The following SORCS1 variants were observed in gnomAD, a reference collection of about 807,000 sequenced individuals.
SORCS1 encodes the protein VPS10 domain-containing receptor SorCS1.
A neutral mutation model predicts 146.1 loss-of-function variants in SORCS1; 60 were observed. The ratio of observed to expected loss-of-function variants is 0.41; its 90% CI spans 0.33 to 0.51. The LOEUF (loss-of-function observed/expected upper bound fraction) is 0.51. SORCS1 is among the 20% of genes least tolerant of loss of function. The probability of loss-of-function intolerance (pLI) is 0.21; values close to 1 mark genes in which losing one functional copy is unlikely to be tolerated. For missense variants in SORCS1, 1,352 were observed against 1,487.6 expected (o/e 0.91, Z 1.50); for synonymous variants, 637 against 584.0 (o/e 1.09, Z -1.31).
At chr10:106,643,283 G>A (rs572240891) in intron 18 of SORCS1, among the ~76,000 whole-genome samples, 1 of 152,310 alleles carries the variant, frequency 6.6e-6, no homozygotes, top group Admixed American at 6.5e-5. Context: ...CTGGAACAGT[G>A]GTGCTCAATA....
Position 106,574,788 on chromosome 10 carries a change from A to C in SORCS1, c.*2632T>G, listed in dbSNP as rs1195830594. On this transcript the variant is annotated 3_prime_UTR_variant, in exon 26 of 26. Coordinates refer to ENST00000263054, the MANE Select transcript of SORCS1 (RefSeq NM_052918.5). The stretch of plus-strand genomic sequence containing the variant: ...TCTCTGAGCAGCACCTTGCCTCACT[A>C]ATCTCCTACAGATGGGAGGGAGCTT... 1 of 152,370 alleles carries C rather than the reference A, an allele frequency of 6.6e-6. No homozygotes were observed. Among genetic ancestry groups the C allele is most frequent in the Non-Finnish European group, 1.5e-5 (1 of 68,018 alleles). The allele number at this position is 152,370 out of a possible 1,614,324, so 9.4% of individuals were successfully genotyped here.
chr10:106,801,524 A>ATTTTTTTTTT (rs34849434), intron 3 of SORCS1, among the ~76,000 whole-genome samples: 1 of 113,840 alleles, frequency 8.8e-6, no homozygotes, highest in African/African-American at 3.5e-5. Flanking sequence ...TAGTATAGCC[A>ATTTTTTTTTT]TTTTTTTTTT....
In SORCS1 at chr10:106,889,888, T is replaced by TAA. The variant is rs772421907; in HGVS notation, c.627-60217_627-60216dup. Among the ~76,000 whole-genome samples, 407 of 71,658 alleles carry TAA rather than the reference T, an allele frequency of 5.7e-3. 13 individuals are homozygous for TAA. Among genetic ancestry groups the TAA allele is most frequent in the African/African-American group, 0.019 (360 of 19,410 alleles). The allele number at this position is 71,658 out of a possible 152,430, so 47.0% of individuals were successfully genotyped here. ...TGACAGAGTGAGACTACGTCTCAAA[T>TAA]AAAAAAAAAAAAAAAAAAAAAAAGC... On this transcript the variant is annotated intron_variant, in intron 2 of 25. Coordinates refer to ENST00000263054, the MANE Select transcript of SORCS1 (RefSeq NM_052918.5).
At chr10:106,599,525 T>A (rs942926180) in intron 23 of SORCS1, among the ~76,000 whole-genome samples, 4 of 151,970 alleles carry the variant, frequency 2.6e-5, no homozygotes, top group African/African-American at 9.7e-5. Context: ...GACAGTGGAG[T>A]TTTTAGAGGT....
chr10:107,019,848 A>G (rs182772621), intron 1 of SORCS1, among the ~76,000 whole-genome samples: 4 of 152,330 alleles, frequency 2.6e-5, no homozygotes, highest in Admixed American at 2.6e-4. Flanking sequence ...GGAGGCAGCT[A>G]CTGCAGAGAA....
chr10:106,878,646 A>ATATATATATATATATATATATATAT (rs1200849744), intron 2 of SORCS1, among the ~76,000 whole-genome samples: 4 of 117,882 alleles, frequency 3.4e-5, no homozygotes, highest in Admixed American at 8.9e-5. Context: ...ATATATATAT[A>ATATATATATATATATATATATATAT]TATTTTATAG....
At chr10:106,742,814 AT>A (rs1180393463) in intron 5 of SORCS1, among the ~76,000 whole-genome samples, 1 of 152,154 alleles carries the variant, frequency 6.6e-6, no homozygotes, top group African/African-American at 2.4e-5. Context: ...AAAGTTTCAG[AT>A]TTTGGAGCAT....
chr10:107,115,480 G>A (rs985054349), intron 1 of SORCS1, among the ~76,000 whole-genome samples: 1 of 151,960 alleles, frequency 6.6e-6, no homozygotes, highest in Non-Finnish European at 1.5e-5. Flanking sequence ...TCTTTGATGA[G>A]AGTGCCAAGA....
intron 1 of SORCS1, among the ~76,000 whole-genome samples, chr10:107,095,665 G>T (rs763137498): frequency 5.3e-5 from 8 of 152,088 alleles, no homozygotes; most frequent in Admixed American, 1.3e-4. Context: ...CTCAGTCACA[G>T]TGTACAAATT....
Position 106,768,352 on chromosome 10 carries a change from T to C in SORCS1, c.886-6691A>G, listed in dbSNP as rs76287021. Among the ~76,000 whole-genome samples, 1,407 of 152,334 alleles carry C rather than the reference T, an allele frequency of 9.2e-3. 21 individuals are homozygous for C. Among genetic ancestry groups the C allele is most frequent in the African/African-American group, 0.032 (1,338 of 41,576 alleles). On this transcript the variant is annotated intron_variant, in intron 4 of 25. Transcript: ENST00000263054. ...AAAAACTGAGTGCCTTTTAACTTAA[T>C]GCAGTGCCTTGGGGAAACATGATGG... is the stretch of plus-strand genomic sequence containing the variant.
chr10:107,122,709 G>GA (rs886390399), intron 1 of SORCS1, among the ~76,000 whole-genome samples: 9 of 148,306 alleles, frequency 6.1e-5, no homozygotes, highest in African/African-American at 1.5e-4. Context: ...AAGCAGGAAA[G>GA]AAAAAAAAAA....
the SORCS1 span, among the ~76,000 whole-genome samples, chr10:107,174,871 G>A: frequency 6.6e-6 from 1 of 152,052 alleles, no homozygotes; most frequent in African/African-American, 2.4e-5. Flanking sequence ...CAGGGGGAAA[G>A]GTTTTATTAT....
At chr10:107,003,992 G>A (rs932374451) in intron 1 of SORCS1, among the ~76,000 whole-genome samples, 1 of 151,806 alleles carries the variant, frequency 6.6e-6, no homozygotes, top group Non-Finnish European at 1.5e-5. Context: ...TGGCTAACAC[G>A]GTGAAACCCC....
chr10:106,848,991 C>T (rs1387904232), intron 2 of SORCS1, among the ~76,000 whole-genome samples: 1 of 150,918 alleles, frequency 6.6e-6, no homozygotes, highest in Non-Finnish European at 1.5e-5. Context: ...GAGGGTAACC[C>T]GACCTTTCTC....
chr10:106,753,027 G>A (rs924012372), intron 5 of SORCS1, among the ~76,000 whole-genome samples: 1 of 151,744 alleles, frequency 6.6e-6, no homozygotes, highest in Admixed American at 6.6e-5. Context: ...TTTGCAGACA[G>A]TGACCTGCTT....
intron 2 of SORCS1, among the ~76,000 whole-genome samples, chr10:106,947,415 C>A (rs1305990919): frequency 1.3e-5 from 2 of 152,204 alleles, no homozygotes; most frequent in South Asian, 2.1e-4. Context: ...AAAGATCTAT[C>A]GGAAAGGTAA....
Position 106,730,037 on chromosome 10 carries a change from T to C in SORCS1, c.1024+13A>G, listed in dbSNP as rs1856482871. ...TATTACTATGAGTATTGCGGCAAAGTTGATTTACTTACGACCATCCACAGT... is the reference window on the plus strand; with the variant it reads ...TATTACTATGAGTATTGCGGCAAAGCTGATTTACTTACGACCATCCACAGT... On this transcript the variant is annotated intron_variant, in intron 6 of 25. Transcript: ENST00000263054. The C allele has an allele frequency of 6.2e-7, 1 of 1,613,940 alleles. No homozygotes were observed. Among genetic ancestry groups the C allele is most frequent in the Admixed American group, 1.7e-5 (1 of 60,000 alleles).
intron 2 of SORCS1, among the ~76,000 whole-genome samples, chr10:106,852,620 C>T (rs113548035): frequency 4.8e-5 from 6 of 125,280 alleles, no homozygotes; most frequent in African/African-American, 1.5e-4. Flanking sequence ...AGAGCGAGAC[C>T]CTGTCTCAAA....
intron 2 of SORCS1, among the ~76,000 whole-genome samples, chr10:106,855,351 A>G (rs1051503303): frequency 6.6e-6 from 1 of 151,980 alleles, no homozygotes; most frequent in East Asian, 1.9e-4. Flanking sequence ...TGGGGTTATG[A>G]TGGTTTTTGT....
Sources: gnomAD v4.1 joint callset for allele counts (sites outside exome capture counted in the v4.1 genomes callset) on GRCh38, gnomAD v4.1.1 for gene constraint, MANE v1.5 for transcripts, NCBI Gene and HGNC (gene_info 2026-07-23, HGNC 2026-07-21) for gene names.